The following RNF8 variants were observed in gnomAD, a reference collection of about 807,000 sequenced individuals.
The protein encoded by RNF8 is ring finger protein 8.
In RNF8, 8 loss-of-function variants were observed where a neutral mutation model predicts 59.3. The observed-to-expected ratio is 0.13, with a 90% CI of 0.08 to 0.24. The LOEUF (loss-of-function observed/expected upper bound fraction) is 0.24. RNF8 is among the 10% of genes least tolerant of loss of function. The probability of loss-of-function intolerance (pLI) is 1.00; values close to 1 mark genes in which losing one functional copy is unlikely to be tolerated. For missense variants in RNF8, 406 were observed against 572.6 expected (o/e 0.71, Z 2.97); for synonymous variants, 162 against 200.0 (o/e 0.81, Z 1.60).
In RNF8 at chr6:37,374,671, A is replaced by T; in HGVS notation, c.1090A>T (p.Ile364Phe). The T allele has an allele frequency of 1.2e-6, 2 of 1,614,186 alleles. No homozygotes were observed. Among genetic ancestry groups the T allele is most frequent in the Non-Finnish European group, 1.7e-6 (2 of 1,180,018 alleles). Residue 364 changes from isoleucine to phenylalanine, a missense_variant, in exon 5 of 8, where the codon ATC becomes TTC. Physicochemically the swap from Ile to Phe is conservative, Grantham distance 21. Around this residue, in one of 3 missense-constraint regions of RNF8, gnomAD observed 285 missense variants for 342.0 expected, o/e 0.83. Coordinates refer to ENST00000373479, the MANE Select transcript of RNF8 (RefSeq NM_003958.4). ...LNRSKKDFEAIIQAKNKELEQ... is the reference protein window; with the variant it reads ...LNRSKKDFEAFIQAKNKELEQ... Reference sequence around the variant, plus strand: ...TCGCAGCAAGAAGGACTTTGAAGCAATCATTCAAGCCAAGAACAAAGAATT... The same window carrying T: ...TCGCAGCAAGAAGGACTTTGAAGCATTCATTCAAGCCAAGAACAAAGAATT...
intron 2 of RNF8, among the ~76,000 whole-genome samples, chr6:37,363,024 G>A (rs1769388177): frequency 6.6e-6 from 1 of 152,162 alleles, no homozygotes; most frequent in Non-Finnish European, 1.5e-5. Context: ...TTGTTTTAAA[G>A]TCACAGTATG....
At chr6:37,367,070 T>C (rs1013301210) in intron 2 of RNF8, among the ~76,000 whole-genome samples, 5 of 152,228 alleles carry the variant, frequency 3.3e-5, no homozygotes, top group African/African-American at 1.2e-4. Context: ...TTGCGTGACA[T>C]TGAGCATAGA....
chr6:37,375,451 G>C (rs1338643620), intron 5 of RNF8, among the ~76,000 whole-genome samples: 1 of 152,078 alleles, frequency 6.6e-6, no homozygotes, highest in Non-Finnish European at 1.5e-5. Flanking sequence ...AAGTCTGCAG[G>C]GTGGATCCAG....
At chr6:37,373,693 G>A (rs1467298491) in intron 4 of RNF8, among the ~76,000 whole-genome samples, 1 of 152,116 alleles carries the variant, frequency 6.6e-6, no homozygotes, top group Non-Finnish European at 1.5e-5. Context: ...CAGGTATTAT[G>A]AGCTACCACG....
chr6:37,356,275 C>T (rs901391855), intron 1 of RNF8, among the ~76,000 whole-genome samples: 2 of 152,146 alleles, frequency 1.3e-5, no homozygotes, highest in Non-Finnish European at 2.9e-5. Context: ...AAGGTCAGGT[C>T]GTAGCATAGC....
intron 1 of RNF8, chr6:37,359,132 G>A (rs1477901435): frequency 2.4e-6 from 1 of 421,926 alleles, no homozygotes; most frequent in Non-Finnish European, 4.6e-6. Flanking sequence ...AAAAGAATAA[G>A]GGAATTCTGT....
chr6:37,354,144 G>C lies in RNF8; in HGVS notation c.-21G>C, dbSNP rs1562081028. On this transcript the variant is annotated 5_prime_UTR_variant, in exon 1 of 8. Coordinates refer to ENST00000373479, the MANE Select transcript of RNF8 (RefSeq NM_003958.4). ...GTCAGGGTCTCGCTCGGTGCTGACC[G>C]CCCCCGGGGTCGAGTAGGCGATGGG... 6.4e-7 allele frequency: 1 copy of C among 1,558,518 alleles called. No individual in the cohort carries two copies. The highest frequency in any genetic ancestry group is 2.4e-5 in the East Asian group (1 of 41,562).
intron 1 of RNF8, among the ~76,000 whole-genome samples, chr6:37,354,681 G>T (rs978837826): frequency 6.6e-6 from 1 of 151,048 alleles, no homozygotes; most frequent in Non-Finnish European, 1.5e-5. Flanking sequence ...GGAGGAGAGG[G>T]ACGCGCAGGG....
In RNF8 at chr6:37,360,349, A is replaced by C. The variant is rs1392158812; in HGVS notation, c.112-97A>C. The C allele has an allele frequency of 2.0e-5, 29 of 1,440,586 alleles. No homozygotes were observed. In the Admixed American group the frequency reaches 4.6e-4, roughly 23 times the overall value. 89.2% of individuals were successfully genotyped at this position (1,440,586 alleles called of 1,614,324 possible). A position where few individuals can be genotyped will look rare whatever the true frequency, so the allele number is the denominator to read the frequency against. ...CCACAGGTGTCTGGTTTCTTAAGTC[A>C]GGACCTGCATATGCTGCTGGTTGAT... is the stretch of plus-strand genomic sequence containing the variant. On this transcript the variant is annotated intron_variant, in intron 1 of 7. Transcript: ENST00000373479. This position sits in a 1 kb window ranked among gnomAD's most constrained non-coding sequence, Gnocchi z 4.2.
chr6:37,384,403 A>G (rs1313500628), intron 7 of RNF8, among the ~76,000 whole-genome samples: 2 of 151,964 alleles, frequency 1.3e-5, no homozygotes, highest in East Asian at 1.9e-4. Context: ...CCGCCCCCCA[A>G]AGTGCTGGGA....
intron 1 of RNF8, among the ~76,000 whole-genome samples, chr6:37,356,010 T>C (rs1001228017): frequency 1.5e-4 from 23 of 152,202 alleles, no homozygotes; most frequent in Non-Finnish European, 4.4e-5. Flanking sequence ...GATTCAATTG[T>C]TGTGGATTAA....
intron 7 of RNF8, among the ~76,000 whole-genome samples, 180 bp from the exon 8 acceptor site, chr6:37,390,562 A>G (rs1296455618): frequency 6.6e-6 from 1 of 152,130 alleles, no homozygotes; most frequent in Admixed American, 6.6e-5. Context: ...ACTTTAACTC[A>G]CTGTGAGAGG....
rs368877507 is a variant in RNF8 at position 37,354,504 on chromosome 6, A to T, written c.111+229A>T. ...GCGGTGGGAGGTGTTTGGGGGAGAA[A>T]TAGGGGCCGAGTGGGAGAAAGGAAG... On this transcript the variant is annotated intron_variant, in intron 1 of 7. Coordinates refer to ENST00000373479, the MANE Select transcript of RNF8 (RefSeq NM_003958.4). Among the ~76,000 whole-genome samples the T allele has an allele frequency of 4.7e-5, 7 of 149,934 alleles. No individual in the cohort carries two copies. The East Asian group carries it at 1.2e-3, about 26-fold the overall frequency.
chr6:37,368,983 A>G lies in RNF8; in HGVS notation c.740A>G (p.Gln247Arg), dbSNP rs761351797. 2 of 1,614,260 alleles carry G rather than the reference A, an allele frequency of 1.2e-6. No homozygotes were observed. The highest frequency in any genetic ancestry group is 8.5e-7 in the Non-Finnish European group (1 of 1,180,056). Residue 247 changes from glutamine to arginine, a missense_variant, in exon 3 of 8, where the codon CAG becomes CGG. Gln to Arg is a conservative substitution (Grantham distance 43). Around this residue, in one of 3 missense-constraint regions of RNF8, gnomAD observed 285 missense variants for 342.0 expected, o/e 0.83. Transcript: ENST00000373479. ...TCTTCAGCATCTCAGAGAAGCTTAC[A>G]GATGTTTAAGGTGACCATGTCCAGG... is the stretch of plus-strand genomic sequence containing the variant. ...SNSSASQRSL[Q>R]MFKVTMSRIL...
chr6:37,390,890 T>A lies in RNF8; in HGVS notation c.*132T>A. 1 of 1,505,008 alleles carries A rather than the reference T, an allele frequency of 6.6e-7. No homozygotes were observed. The highest frequency in any genetic ancestry group is 9.2e-7 in the Non-Finnish European group (1 of 1,081,380). The allele number at this position is 1,505,008 out of a possible 1,614,324, so 93.2% of individuals were successfully genotyped here. On this transcript the variant is annotated 3_prime_UTR_variant, in exon 8 of 8. Transcript: ENST00000373479. The stretch of plus-strand genomic sequence containing the variant: ...AAGTCTTGTGGGACAGAGACTTGAG[T>A]TAGGAAGCCCTCAGTCACTTGCCTT...
At position 37,392,493 on chromosome 6, in the gene RNF8, A is replaced by G. The variant is rs1296849257; in HGVS notation, c.*1735A>G. On this transcript the variant is annotated 3_prime_UTR_variant, in exon 8 of 8. Transcript: ENST00000373479. ...GGCAACAAGTATTACAGTTGCTTGT[A>G]TATTCTTCCAGAGATCTCTGTCTAT... The G allele has an allele frequency of 5.0e-6, 2 of 398,498 alleles. No homozygotes were observed. The highest frequency in any genetic ancestry group is 8.8e-6 in the Non-Finnish European group (2 of 226,074). 24.7% of individuals were successfully genotyped at this position (398,498 alleles called of 1,614,324 possible). A position where few individuals can be genotyped will look rare whatever the true frequency, so the allele number is the denominator to read the frequency against.
intron 4 of RNF8, among the ~76,000 whole-genome samples, chr6:37,374,238 C>G (rs1407932225): frequency 6.6e-6 from 1 of 152,134 alleles, no homozygotes; most frequent in African/African-American, 2.4e-5. Context: ...TTCTTAAATA[C>G]TGTTCCCAGA....
chr6:37,371,687 A>C (rs1581680932), intron 4 of RNF8, 113 bp downstream of exon 4: 2 of 787,978 alleles, frequency 2.5e-6, no homozygotes, highest in Non-Finnish European at 2.1e-6. Context: ...TGGCATCCCC[A>C]GTCTGTAAAC....
chr6:37,371,441 T>C lies in RNF8; in HGVS notation c.976-71T>C, dbSNP rs935656409. ...GCTCATACTAGCTGGTCTGCTCTGC[T>C]TGTTGCTGGATTGTGTTCCTTTTTT... On this transcript the variant is annotated intron_variant, in intron 3 of 7. Coordinates refer to ENST00000373479, the MANE Select transcript of RNF8 (RefSeq NM_003958.4). 6 of 1,340,084 alleles carry C rather than the reference T, an allele frequency of 4.5e-6. No homozygotes were observed. In the South Asian group the frequency reaches 7.3e-5, roughly 16 times the overall value. The allele number at this position is 1,340,084 out of a possible 1,614,324, so 83.0% of individuals were successfully genotyped here.
Sources: allele counts gnomAD v4.1 joint callset (sites outside exome capture counted in the v4.1 genomes callset), GRCh38; gene constraint gnomAD v4.1.1; regional missense constraint gnomAD v4.1.1; non-coding constraint Gnocchi (gnomAD v3.1); transcripts MANE v1.5; gene names NCBI Gene and HGNC (gene_info 2026-07-23, HGNC 2026-07-21).